The following CCDC7 variants were observed in gnomAD, a reference collection of about 807,000 sequenced individuals.
CCDC7 encodes coiled-coil domain containing 7, also known as coiled-coil domain-containing protein 7.
Under a neutral mutation model 196.9 loss-of-function variants are expected in CCDC7, and 183 were observed. The observed-to-expected ratio is 0.93, with a 90% CI of 0.82 to 1.05. The LOEUF (loss-of-function observed/expected upper bound fraction) is 1.05. CCDC7 is among the 50% of genes least tolerant of loss of function. The probability of loss-of-function intolerance (pLI) is 0.00; values close to 1 mark genes in which losing one functional copy is unlikely to be tolerated. For synonymous variants in CCDC7, 525 were observed against 484.6 expected (o/e 1.08, Z -1.10); for missense variants, 1,540 against 1,482.2 (o/e 1.04, Z -0.64).
chr10:32,522,172 A>G (rs1442674011), intron 11 of CCDC7, among the ~76,000 whole-genome samples: 3 of 152,204 alleles, frequency 2.0e-5, no homozygotes, highest in Non-Finnish European at 4.4e-5. Context: ...ATTTGATATC[A>G]GGGTAATGCT....
intron 18 of CCDC7, among the ~76,000 whole-genome samples, chr10:32,603,643 G>T (rs548340992): frequency 1.4e-5 from 2 of 148,134 alleles, no homozygotes; most frequent in East Asian, 3.9e-4. Flanking sequence ...TTGATAATAA[G>T]CATTCGATCT....
chr10:32,539,956 A>G (rs535265692), intron 11 of CCDC7, among the ~76,000 whole-genome samples: 1 of 152,140 alleles, frequency 6.6e-6, no homozygotes, highest in South Asian at 2.1e-4. Context: ...AGTATGTGCT[A>G]TGTCGTGATG....
In CCDC7 at chr10:32,719,536, A is replaced by G. The variant is rs905407931; in HGVS notation, c.2570-7198A>G. The stretch of plus-strand genomic sequence containing the variant: ...AAAATTGACAAATGAGATCTAATTA[A>G]ACTAAAGAGCTTCTGCACAGCAAAA... On this transcript the variant is annotated intron_variant, in intron 25 of 41. Transcript: ENST00000639629. Among the ~76,000 whole-genome samples the G allele has an allele frequency of 7.2e-5, 11 of 152,340 alleles. No individual in the cohort carries two copies. In the South Asian group the frequency reaches 8.3e-4, roughly 11 times the overall value.
intron 7 of CCDC7, among the ~76,000 whole-genome samples, chr10:32,472,784 G>A (rs1389506638): frequency 6.6e-6 from 1 of 150,648 alleles, no homozygotes; most frequent in East Asian, 2.0e-4. Context: ...TTGTACAGAT[G>A]GAGGTCTCAC....
chr10:32,696,493 T>C (rs946618260), intron 24 of CCDC7, among the ~76,000 whole-genome samples: 19 of 150,836 alleles, frequency 1.3e-4, no homozygotes, highest in Admixed American at 2.0e-4. Flanking sequence ...TTTTTTTTTT[T>C]AAGCCAAAAG....
At chr10:32,512,941 A>T (rs1298976589) in intron 9 of CCDC7, 2 of 152,114 alleles carry the variant, frequency 1.3e-5, no homozygotes, top group Admixed American at 1.3e-4. Flanking sequence ...ATTGGCAGAG[A>T]GGTAGTGGAA....
At chr10:32,867,529 C>G (rs957848137) in intron 41 of CCDC7, among the ~76,000 whole-genome samples, 3 of 150,854 alleles carry the variant, frequency 2.0e-5, no homozygotes, top group African/African-American at 7.3e-5. Flanking sequence ...TCTCTGTAAA[C>G]TTGAATTGAT....
At chr10:32,650,658 GA>G (rs113159825) in intron 20 of CCDC7, among the ~76,000 whole-genome samples, 24 of 152,052 alleles carry the variant, frequency 1.6e-4, no homozygotes, top group African/African-American at 5.8e-4. Flanking sequence ...TCAGTTTTCT[GA>G]GAGTGTGGGC....
chr10:32,673,524 T>G (rs894012140), intron 21 of CCDC7, among the ~76,000 whole-genome samples: 6 of 152,096 alleles, frequency 3.9e-5, no homozygotes, highest in Non-Finnish European at 7.4e-5. Flanking sequence ...TTGATGTGAT[T>G]GTAAGTAGGA....
intron 41 of CCDC7, among the ~76,000 whole-genome samples, chr10:32,870,406 T>C (rs1245715835): frequency 2.0e-5 from 3 of 152,172 alleles, no homozygotes; most frequent in Non-Finnish European, 2.9e-5. Context: ...TTGTCTGTTA[T>C]TGGTGTATAA....
rs530803952 is a variant in CCDC7, at chr10:32,805,913, C to T, written c.3097+815C>T. On this transcript the variant is annotated intron_variant, in intron 30 of 41. Coordinates refer to ENST00000639629, the Ensembl canonical transcript of CCDC7. ...GCATCTACTTGGCTTCTGGGGAGGC[C>T]TCAGGGCGCTTTTACTCACGGCAGA... Among the ~76,000 whole-genome samples the T allele has an allele frequency of 2.6e-5, 4 of 152,274 alleles. No individual in the cohort carries two copies. The South Asian group carries it at 8.3e-4, about 32-fold the overall frequency.
chr10:32,611,542 T>C (rs890749947), intron 18 of CCDC7, among the ~76,000 whole-genome samples: 6 of 152,256 alleles, frequency 3.9e-5, no homozygotes, highest in Non-Finnish European at 8.8e-5. Context: ...TCTAGGGTTT[T>C]TATGGTTTTA....
chr10:32,847,864 T>A (rs1399836418), exon 38 of CCDC7: 25 of 1,611,358 alleles, frequency 1.6e-5, no homozygotes, highest in Non-Finnish European at 2.0e-5. Flanking sequence ...CAAATGCCAT[T>A]GGTTCAAGTA....
intron 23 of CCDC7, 30 bp downstream of exon 24, chr10:32,689,193 A>G (rs775335920): frequency 7.3e-7 from 1 of 1,375,742 alleles, no homozygotes; most frequent in Non-Finnish European, 1.0e-6. Context: ...ATAACTTTAA[A>G]TTATTTAAAA....
At chr10:32,559,335 G>C (rs978253265) in intron 13 of CCDC7, among the ~76,000 whole-genome samples, 13 of 152,294 alleles carry the variant, frequency 8.5e-5, no homozygotes, top group Admixed American at 3.3e-4. Context: ...CTCCCAGCAC[G>C]CAGCTGGAGA....
chr10:32,832,161 C>A, intron 32 of CCDC7, among the ~76,000 whole-genome samples: 1 of 152,040 alleles, frequency 6.6e-6, no homozygotes, highest in Non-Finnish European at 1.5e-5. Flanking sequence ...TGTAACCATA[C>A]AAAAGTTAAT....
downstream of CCDC7, chr10:32,876,554 G>T (rs2094601433): frequency 1.7e-6 from 1 of 588,462 alleles, no homozygotes; most frequent in Non-Finnish European, 2.9e-6. Context: ...GGTAGGCCCA[G>T]ATCACAGAAG....
chr10:32,848,274 C>G (rs2093398210), intron 38 of CCDC7, among the ~76,000 whole-genome samples: 1 of 152,052 alleles, frequency 6.6e-6, no homozygotes, highest in Non-Finnish European at 1.5e-5. Context: ...GACTTCTGAC[C>G]TCCAAAACTA....
intron 28 of CCDC7, among the ~76,000 whole-genome samples, chr10:32,746,643 AAC>A (rs2074791948): frequency 6.6e-6 from 1 of 152,112 alleles, no homozygotes; most frequent in South Asian, 2.1e-4. Flanking sequence ...GTCTACTTGC[AAC>A]ACAGTCTCCA....
Sources: gnomAD v4.1 joint callset for allele counts (sites outside exome capture counted in the v4.1 genomes callset) on GRCh38, gnomAD v4.1.1 for gene constraint, MANE v1.5 for transcripts, NCBI Gene and HGNC (gene_info 2026-07-23, HGNC 2026-07-21) for gene names.